NUP153: variants seen among roughly 807,000 people sequenced by gnomAD.
The protein encoded by NUP153 is nuclear pore complex protein Nup153.
In NUP153, 27 loss-of-function variants were observed where a neutral mutation model predicts 134.6. That is an observed-to-expected ratio of 0.20 (90% CI 0.15 to 0.28). The LOEUF is 0.28. Among genes scored for constraint, NUP153 ranks in the 10% least tolerant of loss-of-function variants. The pLI, the probability that NUP153 is intolerant of heterozygous loss-of-function variation, is 1.00. For synonymous variants in NUP153, 640 were observed against 623.5 expected (o/e 1.03, Z -0.40); for missense variants, 1,821 against 1,731.3 (o/e 1.05, Z -0.92).
At chr6:17,686,574 T>G (rs951388339) in intron 2 of NUP153, among the ~76,000 whole-genome samples, 3 of 151,638 alleles carry the variant, frequency 2.0e-5, no homozygotes, top group African/African-American at 7.3e-5. Flanking sequence ...TTTTTGTATT[T>G]TTAGTAGAGA....
chr6:17,646,223 C>A, intron 13 of NUP153, 69 bp from the exon 14 acceptor site: 1 of 800,418 alleles, frequency 1.2e-6, no homozygotes, highest in Non-Finnish European at 2.1e-6. Flanking sequence ...TTTTTATTCC[C>A]CCGAGACGGA....
At chr6:17,703,462 C>G (rs1770257633) in intron 1 of NUP153, among the ~76,000 whole-genome samples, 1 of 151,982 alleles carries the variant, frequency 6.6e-6, no homozygotes, top group African/African-American at 2.4e-5. Context: ...TTAATTTTTG[C>G]CCAGAAACCC....
intron 8 of NUP153, among the ~76,000 whole-genome samples, chr6:17,665,987 C>CTT (rs199861173): frequency 4.4e-5 from 6 of 136,266 alleles, no homozygotes; most frequent in African/African-American, 1.6e-4. Flanking sequence ...ACTCACCTGG[C>CTT]TTTTTTTTTT....
At chr6:17,651,788 C>CA (rs1766505448) in intron 11 of NUP153, 1 of 559,198 alleles carries the variant, frequency 1.8e-6, no homozygotes. Context: ...ATGAGGGCCT[C>CA]AAAATCCATG....
At chr6:17,684,195 T>G (rs1363953134) in intron 2 of NUP153, among the ~76,000 whole-genome samples, 1 of 152,228 alleles carries the variant, frequency 6.6e-6, no homozygotes, top group African/African-American at 2.4e-5. Flanking sequence ...CTTTTCTTTA[T>G]AAATTACCCA....
chr6:17,654,571 C>T (rs980077209), intron 11 of NUP153, among the ~76,000 whole-genome samples: 3 of 152,124 alleles, frequency 2.0e-5, no homozygotes, highest in Admixed American at 1.3e-4. Context: ...CCGCCCACCT[C>T]GGCCTCCGAA....
chr6:17,616,776 G>C (rs893798223), intron 20 of NUP153, 81 bp from the exon 21 acceptor site: 1 of 1,371,624 alleles, frequency 7.3e-7, no homozygotes, highest in African/African-American at 1.4e-5. Flanking sequence ...TTGAGACGGA[G>C]TCTCGCTCTC....
Position 17,626,277 on chromosome 6 carries a change from T to C in NUP153, c.3545-113A>G, listed in dbSNP as rs921533421. The C allele has an allele frequency of 1.5e-5, 11 of 717,848 alleles. No homozygotes were observed. The African/African-American group carries it at 1.6e-4, about 11-fold the overall frequency. The allele number at this position is 717,848 out of a possible 1,614,324, so 44.5% of individuals were successfully genotyped here. A position where few individuals can be genotyped will look rare whatever the true frequency, so the allele number is the denominator to read the frequency against. On this transcript the variant is annotated intron_variant, in intron 18 of 21. Coordinates refer to ENST00000262077, the MANE Select transcript of NUP153 (RefSeq NM_005124.4). ...TCCTACCCTAGAATTCGCTAGAAAA[T>C]AGATTTTTTATATAGATTACTTCAT... is the stretch of plus-strand genomic sequence containing the variant.
chr6:17,669,726 T>C (rs1460659893), intron 5 of NUP153, among the ~76,000 whole-genome samples, 180 bp from the exon 6 acceptor site: 1 of 152,218 alleles, frequency 6.6e-6, no homozygotes, highest in Non-Finnish European at 1.5e-5. Flanking sequence ...ATGCCTTTAC[T>C]GGAAATCCAA....
intron 1 of NUP153, among the ~76,000 whole-genome samples, chr6:17,705,655 A>C (rs1316060520): frequency 6.6e-6 from 1 of 151,696 alleles, no homozygotes; most frequent in Non-Finnish European, 1.5e-5. Context: ...AAAATGCCCC[A>C]GTGCCACGGT....
At chr6:17,704,278 C>G (rs1403596346) in intron 1 of NUP153, among the ~76,000 whole-genome samples, 2 of 145,766 alleles carry the variant, frequency 1.4e-5, no homozygotes, top group African/African-American at 5.1e-5. Flanking sequence ...GGTGACAGAG[C>G]GAGACTCCGT....
chr6:17,624,985 T>C (rs904391446), intron 19 of NUP153, 152 bp from the exon 20 acceptor site: 22 of 719,042 alleles, frequency 3.1e-5, no homozygotes, highest in East Asian at 5.4e-5. Context: ...TAAATAATGA[T>C]TGAGAATACA....
At chr6:17,666,710 C>A (rs752234700) in intron 8 of NUP153, among the ~76,000 whole-genome samples, 1 of 152,108 alleles carries the variant, frequency 6.6e-6, no homozygotes, top group Non-Finnish European at 1.5e-5. Flanking sequence ...GTAAGTACAC[C>A]AACTGTTTTG....
rs6939367 is a variant in NUP153 at position 17,665,554 on chromosome 6, T to C, written c.1069-169A>G. Among the ~76,000 whole-genome samples, 1,221 of 152,264 alleles carry C rather than the reference T, an allele frequency of 8.0e-3. 10 individuals carry two copies. Among genetic ancestry groups the C allele is most frequent in the African/African-American group, 0.026 (1,074 of 41,540 alleles). ...AAACTGATAATAATGGAACCTAAGGTATGTATTCATATACCTATGCACATA... is the reference window on the plus strand; with the variant it reads ...AAACTGATAATAATGGAACCTAAGGCATGTATTCATATACCTATGCACATA... On this transcript the variant is annotated intron_variant, in intron 8 of 21. Transcript: ENST00000262077.
At chr6:17,633,951 G>T (rs1437033421) in intron 16 of NUP153, among the ~76,000 whole-genome samples, 3 of 152,040 alleles carry the variant, frequency 2.0e-5, no homozygotes, top group Non-Finnish European at 4.4e-5. Flanking sequence ...ATCTACACCT[G>T]CAATCTACAC....
In NUP153 at chr6:17,625,407, G is replaced by A. The variant is rs945289341; in HGVS notation, c.3901+401C>T. ...TAGGTGGGTGTGGTGGCGGGCACCTGTAATCCCAGCTACTCAGGAGGCTGA... is the reference window on the plus strand; with the variant it reads ...TAGGTGGGTGTGGTGGCGGGCACCTATAATCCCAGCTACTCAGGAGGCTGA... On this transcript the variant is annotated intron_variant, in intron 19 of 21. Coordinates refer to ENST00000262077, the MANE Select transcript of NUP153 (RefSeq NM_005124.4). The surrounding 1 kb of genome is among the most constrained non-coding windows in gnomAD (Gnocchi z 4.7). Among the ~76,000 whole-genome samples the A allele has an allele frequency of 1.3e-5, 2 of 152,154 alleles. No individual in the cohort carries two copies. The highest frequency in any genetic ancestry group is 2.9e-5 in the Non-Finnish European group (2 of 68,030).
chr6:17,650,946 T>C (rs751969980), intron 11 of NUP153, among the ~76,000 whole-genome samples: 4 of 152,102 alleles, frequency 2.6e-5, no homozygotes, highest in Non-Finnish European at 4.4e-5. Context: ...TAAAGTAATC[T>C]GAAAAACATT....
At chr6:17,703,058 C>T (rs1346443709) in intron 1 of NUP153, among the ~76,000 whole-genome samples, 5 of 149,196 alleles carry the variant, frequency 3.4e-5, no homozygotes, top group African/African-American at 9.9e-5. Flanking sequence ...ATTAGCCGGG[C>T]GTGGTGGCGC....
chr6:17,629,218 G>T lies in NUP153; in HGVS notation c.2981C>A (p.Ser994Tyr). The T allele has an allele frequency of 3.1e-6, 5 of 1,613,500 alleles. No homozygotes were observed. The highest frequency in any genetic ancestry group is 4.2e-6 in the Non-Finnish European group (5 of 1,179,854). The change falls in exon 18 of 22, where the codon TCT becomes TAT. Residue 994 changes from serine (S) to tyrosine (Y), a missense_variant. Coordinates refer to ENST00000262077, the MANE Select transcript of NUP153 (RefSeq NM_005124.4). ...GLSSGLSNPV[S>Y]LTPFQFGVSN... ...TACCCCAAATTGAAATGGAGTTAAA[G>T]AAACTGGGTTGCTTAAACCAGAAGA... is the stretch of plus-strand genomic sequence containing the variant.
Sources: allele counts gnomAD v4.1 joint callset (sites outside exome capture counted in the v4.1 genomes callset), GRCh38; gene constraint gnomAD v4.1.1; non-coding constraint Gnocchi (gnomAD v3.1); transcripts MANE v1.5; gene names NCBI Gene and HGNC (gene_info 2026-07-23, HGNC 2026-07-21).